Variants in SEC14L1 observed in about 807,000 individuals in gnomAD.
SEC14L1 encodes the protein SEC14-like protein 1.
Under a neutral mutation model 85.3 loss-of-function variants are expected in SEC14L1, and 48 were observed. That is an observed-to-expected ratio of 0.56 (90% CI 0.45 to 0.72). The LOEUF (loss-of-function observed/expected upper bound fraction) is 0.72. Ranked by LOEUF, SEC14L1 falls within the 30% of genes least tolerant of loss-of-function variation. The pLI is 0.00. For synonymous variants in SEC14L1, 391 were observed against 355.5 expected (o/e 1.10, Z -1.12); for missense variants, 682 against 921.4 (o/e 0.74, Z 3.36).
intron 3 of SEC14L1, among the ~76,000 whole-genome samples, chr17:77,166,534 C>T (rs1466846950): frequency 6.6e-6 from 1 of 152,066 alleles, no homozygotes; most frequent in Non-Finnish European, 1.5e-5. Context: ...ACACTTATGT[C>T]ATGGAAAGAT....
chr17:77,153,967 C>T (rs1459303710), intron 3 of SEC14L1, among the ~76,000 whole-genome samples: 2 of 152,150 alleles, frequency 1.3e-5, no homozygotes, highest in Admixed American at 6.6e-5. Flanking sequence ...AATTTTCTTG[C>T]ATGGTACAAG....
chr17:77,156,391 A>G (rs1567898975), intron 3 of SEC14L1, among the ~76,000 whole-genome samples: 1 of 152,102 alleles, frequency 6.6e-6, no homozygotes, highest in Non-Finnish European at 1.5e-5. Flanking sequence ...CCTGGCCAAC[A>G]TAGTGAAACC....
intron 9 of SEC14L1, among the ~76,000 whole-genome samples, chr17:77,202,463 A>G (rs1173273152): frequency 6.6e-6 from 1 of 152,196 alleles, no homozygotes; most frequent in Non-Finnish European, 1.5e-5. Flanking sequence ...TACTAAAAAT[A>G]CAAAAATTAG....
chr17:77,197,491 C>G (rs563058181), intron 8 of SEC14L1, among the ~76,000 whole-genome samples: 1 of 152,218 alleles, frequency 6.6e-6, no homozygotes, highest in East Asian at 1.9e-4. Flanking sequence ...TATCTTAAGT[C>G]TTATGATCAC....
At position 77,216,188 on chromosome 17, in the gene SEC14L1, A is replaced by T. The variant is rs767236287; in HGVS notation, c.*2165A>T. 2.1e-4 allele frequency: 152 copies of T among 710,568 alleles called. 22 individuals are homozygous for T. Among genetic ancestry groups the T allele is most frequent in the Admixed American group, 5.6e-4 (5 of 8,940 alleles). 44.0% of individuals were successfully genotyped at this position (710,568 alleles called of 1,614,324 possible). A position where few individuals can be genotyped will look rare whatever the true frequency, so the allele number is the denominator to read the frequency against. On this transcript the variant is annotated 3_prime_UTR_variant, in exon 17 of 17. Transcript: ENST00000436233. Reference sequence around the variant, plus strand: ...GTAGGTAGGGCTAGTAGGTAGGGTTAGTAGGTAGGGCTAGTAGGTAGGGCT... The same window carrying T: ...GTAGGTAGGGCTAGTAGGTAGGGTTTGTAGGTAGGGCTAGTAGGTAGGGCT...
intron 5 of SEC14L1, among the ~76,000 whole-genome samples, chr17:77,192,213 C>T (rs1975577534): frequency 1.3e-5 from 2 of 152,212 alleles, no homozygotes; most frequent in South Asian, 4.1e-4. Flanking sequence ...TTGTCTGTCT[C>T]AGTATCTTCA....
intron 3 of SEC14L1, among the ~76,000 whole-genome samples, chr17:77,115,947 G>A (rs1972163562): frequency 6.7e-6 from 1 of 150,172 alleles, no homozygotes; most frequent in South Asian, 2.1e-4. Flanking sequence ...TTGAGACAGA[G>A]TCTCACTCTC....
chr17:77,099,080 C>T (rs966883551), intron 3 of SEC14L1: 1 of 152,128 alleles, frequency 6.6e-6, no homozygotes, highest in South Asian at 2.1e-4. Flanking sequence ...GAAAGGAGCC[C>T]CGTGTAAGTC....
intron 2 of SEC14L1, among the ~76,000 whole-genome samples, chr17:77,093,087 A>G (rs1971557054): frequency 6.6e-6 from 1 of 152,070 alleles, no homozygotes; most frequent in Non-Finnish European, 1.5e-5. Flanking sequence ...CTGGGGGCCC[A>G]TTCCCCGCAG....
chr17:77,146,758 G>A (rs1286032408), intron 3 of SEC14L1, among the ~76,000 whole-genome samples: 2 of 151,988 alleles, frequency 1.3e-5, no homozygotes, highest in African/African-American at 4.8e-5. Context: ...CCACCCTGTA[G>A]TATAAAGAAA....
rs200758467 is a variant in SEC14L1, at chr17:77,206,821, G to A, written c.1435G>A (p.Asp479Asn). ...QGPGGLLDYI[D>N]KEIIPDFLSG... ...TCCTGGAGGCCTGCTGGATTACATC[G>A]ACAAAGAGATTATTCCAGATTTCCT... is the stretch of plus-strand genomic sequence containing the variant. The change falls in exon 13 of 17, where the codon GAC becomes AAC. Residue 479 changes from aspartate (D) to asparagine (N), a missense_variant. Physicochemically the swap from Asp to Asn is conservative, Grantham distance 23. This residue lies in a region of SEC14L1 where 420 missense variants were observed against 619.5 expected (regional missense o/e 0.68). Transcript: ENST00000436233. This position sits in a 1 kb window ranked among gnomAD's most constrained non-coding sequence, Gnocchi z 4.3. 217 of 1,610,902 alleles carry A rather than the reference G, an allele frequency of 1.3e-4. No individual in the cohort carries two copies. Among genetic ancestry groups the A allele is most frequent in the Non-Finnish European group, 1.6e-4 (194 of 1,179,144 alleles).
chr17:77,170,604 G>T (rs1974484372), intron 3 of SEC14L1, among the ~76,000 whole-genome samples: 1 of 152,200 alleles, frequency 6.6e-6, no homozygotes, highest in African/African-American at 2.4e-5. Flanking sequence ...AAGTAAGGCA[G>T]TCCATAAAGC....
At chr17:77,119,896 G>A (rs1333945124) in intron 3 of SEC14L1, among the ~76,000 whole-genome samples, 2 of 152,130 alleles carry the variant, frequency 1.3e-5, no homozygotes, top group African/African-American at 2.4e-5. Flanking sequence ...CAGCAGCTTG[G>A]AATGTCAGGA....
At position 77,206,933 on chromosome 17, in the gene SEC14L1, C is replaced by T. The variant is rs1283246944; in HGVS notation, c.1476+71C>T. 2.9e-6 allele frequency: 4 copies of T among 1,385,824 alleles called. No individual in the cohort carries two copies. The highest frequency in any genetic ancestry group is 1.5e-5 in the African/African-American group (1 of 68,604). The allele number at this position is 1,385,824 out of a possible 1,614,324, so 85.8% of individuals were successfully genotyped here. On this transcript the variant is annotated intron_variant, in intron 13 of 16. Transcript: ENST00000436233. The surrounding 1 kb of genome is among the most constrained non-coding windows in gnomAD (Gnocchi z 4.3). ...TGGGAGAGGTCGGTGTCGATTTGCA[C>T]AAATGATTTTCAGAACTTCCAGTTG...
chr17:77,191,423 A>G (rs900051326), intron 5 of SEC14L1, 111 bp downstream of exon 5: 14 of 1,172,144 alleles, frequency 1.2e-5, no homozygotes, highest in Admixed American at 1.9e-5. Flanking sequence ...GCAGTTCTTC[A>G]TTAGATGTTG....
At chr17:77,108,031 A>G (rs1456624127) in intron 3 of SEC14L1, among the ~76,000 whole-genome samples, 1 of 152,068 alleles carries the variant, frequency 6.6e-6, no homozygotes, top group African/African-American at 2.4e-5. Context: ...GGTGTGAGCC[A>G]CTGCTCCCAG....
chr17:77,207,559 C>T (rs971965778), intron 13 of SEC14L1, among the ~76,000 whole-genome samples: 2 of 152,104 alleles, frequency 1.3e-5, no homozygotes, highest in African/African-American at 4.8e-5. Context: ...TCAAGCGATT[C>T]TTCAGTCTCA....
chr17:77,168,018 TG>T (rs1304827601), intron 3 of SEC14L1, among the ~76,000 whole-genome samples: 5 of 152,228 alleles, frequency 3.3e-5, no homozygotes, highest in African/African-American at 1.2e-4. Flanking sequence ...TGGCTAGGGT[TG>T]GACCATACAA....
intron 3 of SEC14L1, among the ~76,000 whole-genome samples, chr17:77,146,560 C>T (rs1973319132): frequency 6.6e-6 from 1 of 152,060 alleles, no homozygotes; most frequent in Non-Finnish European, 1.5e-5. Flanking sequence ...AACTATTGTT[C>T]TGAGGTAGTG....
Sources: allele counts gnomAD v4.1 joint callset (sites outside exome capture counted in the v4.1 genomes callset), GRCh38; gene constraint gnomAD v4.1.1; regional missense constraint gnomAD v4.1.1; non-coding constraint Gnocchi (gnomAD v3.1); transcripts MANE v1.5; gene names NCBI Gene and HGNC (gene_info 2026-07-23, HGNC 2026-07-21).